The following PCDHA9 variants were observed in gnomAD, a reference collection of about 807,000 sequenced individuals.
The protein encoded by PCDHA9 is protocadherin alpha-9.
In PCDHA9, 62 loss-of-function variants were observed where a neutral mutation model predicts 62.0. The observed-to-expected ratio is 1.00, with a 90% confidence interval of 0.81 to 1.23. The LOEUF (loss-of-function observed/expected upper bound fraction) is 1.23. PCDHA9 is among the 50% of genes most tolerant of loss of function. The probability of loss-of-function intolerance (pLI) is 0.00; values close to 1 mark genes in which losing one functional copy is unlikely to be tolerated. For missense variants in PCDHA9, 1,205 were observed against 1,249.8 expected (o/e 0.96, Z 0.54); for synonymous variants, 557 against 567.6 (o/e 0.98, Z 0.27).
intron 1 of PCDHA9, chr5:140,853,873 G>T (rs1238273560): frequency 1.0e-6 from 1 of 983,500 alleles, no homozygotes; most frequent in Non-Finnish European, 1.2e-6. Context: ...GACAGTGCAA[G>T]TTTCTGTAAT....
At chr5:140,864,520 C>T (rs1354044181) in intron 1 of PCDHA9, 1 of 152,154 alleles carries the variant, frequency 6.6e-6, no homozygotes, top group Admixed American at 6.5e-5. Context: ...GGTGATTTTA[C>T]TTCTTAATTT....
intron 1 of PCDHA9, chr5:140,871,726 T>A (rs1412265993): frequency 1.3e-6 from 1 of 740,884 alleles, no homozygotes; most frequent in Non-Finnish European, 2.1e-6. Flanking sequence ...CTCTTAATAT[T>A]TGGTTAGCAA....
At chr5:140,999,114 T>C (rs2097847387) in intron 3 of PCDHA9, among the ~76,000 whole-genome samples, 2 of 152,180 alleles carry the variant, frequency 1.3e-5, no homozygotes, top group Non-Finnish European at 2.9e-5. Context: ...CTAGCAACCA[T>C]TTCTAAGCTG....
intron 1 of PCDHA9, among the ~76,000 whole-genome samples, chr5:140,892,180 T>C (rs1176959692): frequency 6.6e-6 from 1 of 152,224 alleles, no homozygotes; most frequent in African/African-American, 2.4e-5. Context: ...GGGATCCTCA[T>C]GGGTCTATTC....
At chr5:140,986,954 C>T (rs2097219916) in intron 3 of PCDHA9, among the ~76,000 whole-genome samples, 1 of 152,154 alleles carries the variant, frequency 6.6e-6, no homozygotes, top group African/African-American at 2.4e-5. Context: ...TCGCTCATGC[C>T]TGTAATTCCA....
rs1402263047 is a variant in PCDHA9, at chr5:140,848,452, T to C, written c.-44T>C. 2 of 1,520,140 alleles carry C rather than the reference T, an allele frequency of 1.3e-6. No individual in the cohort carries two copies. Among genetic ancestry groups the C allele is most frequent in the Non-Finnish European group, 1.8e-6 (2 of 1,117,740 alleles). 94.2% of individuals were successfully genotyped at this position (1,520,140 alleles called of 1,614,324 possible). On this transcript the variant is annotated 5_prime_UTR_variant, in exon 1 of 4. Coordinates refer to ENST00000532602, the MANE Select transcript of PCDHA9 (RefSeq NM_031857.2). ...ACGAAATCAGATGATTTCTTCTAAT[T>C]TGGAGGCAATTTTCACTAATTAGAA...
intron 1 of PCDHA9, among the ~76,000 whole-genome samples, chr5:140,938,121 A>C (rs981387543): frequency 6.6e-6 from 1 of 151,892 alleles, no homozygotes; most frequent in South Asian, 2.1e-4. Flanking sequence ...CTCTTTTTTT[A>C]AAAAAATAGA....
chr5:140,857,553 C>T, intron 1 of PCDHA9: 1 of 1,597,008 alleles, frequency 6.3e-7, no homozygotes, highest in Non-Finnish European at 8.6e-7. Flanking sequence ...GGCGAGCGCT[C>T]GCTGTCGAGC....
chr5:140,887,565 T>C (rs1214384060), intron 1 of PCDHA9, among the ~76,000 whole-genome samples: 2 of 152,180 alleles, frequency 1.3e-5, no homozygotes, highest in Admixed American at 1.3e-4. Context: ...TTAAAACTTT[T>C]CTTTTTATCC....
At chr5:140,992,188 T>C (rs1193005639) in intron 3 of PCDHA9, among the ~76,000 whole-genome samples, 6 of 152,140 alleles carry the variant, frequency 3.9e-5, no homozygotes, top group African/African-American at 1.4e-4. Flanking sequence ...ATGCTTTCAG[T>C]GATCTATCCA....
Position 140,988,156 on chromosome 5 carries a change from C to T in PCDHA9, c.2542+5593C>T, listed in dbSNP as rs546335543. Among the ~76,000 whole-genome samples, 7 of 152,172 alleles carry T rather than the reference C, an allele frequency of 4.6e-5. No individual in the cohort carries two copies. The South Asian group carries it at 1.5e-3, about 32-fold the overall frequency. On this transcript the variant is annotated intron_variant, in intron 3 of 3. Coordinates refer to ENST00000532602, the MANE Select transcript of PCDHA9 (RefSeq NM_031857.2). ...TAACCTGTTCAACCTCAACTTCTGCCGTTGTCATAGCAATGACAGTCCTGG... is the reference window on the plus strand; with the variant it reads ...TAACCTGTTCAACCTCAACTTCTGCTGTTGTCATAGCAATGACAGTCCTGG...
chr5:140,878,139 T>G, intron 1 of PCDHA9: 1 of 191,254 alleles, frequency 5.2e-6, no homozygotes, highest in South Asian at 1.6e-4. Flanking sequence ...AGTGGCCAGA[T>G]GTTTGATAAC....
At chr5:140,890,596 C>T (rs1236261988) in intron 1 of PCDHA9, among the ~76,000 whole-genome samples, 5 of 152,064 alleles carry the variant, frequency 3.3e-5, no homozygotes, top group African/African-American at 1.2e-4. Context: ...AGCCCTTTTC[C>T]GAATAGCTAG....
intron 1 of PCDHA9, chr5:140,884,429 C>G: frequency 6.2e-7 from 1 of 1,613,964 alleles, no homozygotes. Flanking sequence ...GTATACTGCG[C>G]TGCGGTGCTC....
chr5:140,930,092 A>G (rs1554207604), intron 1 of PCDHA9: 1 of 152,204 alleles, frequency 6.6e-6, no homozygotes, highest in East Asian at 1.9e-4. Context: ...ACATCTATTT[A>G]TACTGATAGG....
chr5:140,849,578 G>A lies in PCDHA9; in HGVS notation c.1083G>A (p.Glu361=), dbSNP rs2150441176. The A allele has an allele frequency of 1.3e-6, 2 of 1,598,680 alleles. No individual in the cohort carries two copies. The highest frequency in any genetic ancestry group is 2.2e-5 in the East Asian group (1 of 44,856). The change falls in exon 1 of 4, where the codon GAG becomes GAA. Residue 361 remains glutamate (E), a synonymous_variant. Transcript: ENST00000532602. ...AAACGCTCTCGGTTCCTGTAAAAGAGGACGCACAACTGGGGACAGTTATTG... is the reference window on the plus strand; with the variant it reads ...AAACGCTCTCGGTTCCTGTAAAAGAAGACGCACAACTGGGGACAGTTATTG... ...TIKTLSVPVK[E]DAQLGTVIAL...
chr5:140,962,046 G>A (rs2095653396), intron 1 of PCDHA9, among the ~76,000 whole-genome samples: 1 of 151,964 alleles, frequency 6.6e-6, no homozygotes, highest in African/African-American at 2.4e-5. Flanking sequence ...ACCATGCCTG[G>A]CTAATTTTTT....
chr5:140,883,242 A>C (rs1562785855), intron 1 of PCDHA9: 2 of 1,614,066 alleles, frequency 1.2e-6, no homozygotes, highest in Non-Finnish European at 1.7e-6. Context: ...GCAGTTGACA[A>C]AGGAAATATT....
At chr5:140,864,365 AT>A (rs1190318637) in intron 1 of PCDHA9, 4 of 152,220 alleles carry the variant, frequency 2.6e-5, no homozygotes, top group Non-Finnish European at 5.9e-5. Flanking sequence ...TTATCTTTCT[AT>A]AATCGATAAG....
Sources: allele counts gnomAD v4.1 joint callset (sites outside exome capture counted in the v4.1 genomes callset), GRCh38; gene constraint gnomAD v4.1.1; transcripts MANE v1.5; gene names NCBI Gene and HGNC (gene_info 2026-07-23, HGNC 2026-07-21).